Variants in CDK6 observed in about 807,000 individuals in gnomAD.
CDK6 encodes cyclin dependent kinase 6.
In CDK6, 6 loss-of-function variants were observed where a neutral mutation model predicts 37.1. The ratio of observed to expected loss-of-function variants is 0.16; its 90% CI spans 0.09 to 0.32. The LOEUF (loss-of-function observed/expected upper bound fraction) is 0.32. CDK6 is among the 10% of genes least tolerant of loss of function. CDK6 has a pLI of 1.00. For missense variants in CDK6, 224 were observed against 418.9 expected (o/e 0.53, Z 4.06); for synonymous variants, 160 against 161.3 (o/e 0.99, Z 0.06).
chr7:92,692,534 A>T (rs1326094005), intron 4 of CDK6, among the ~76,000 whole-genome samples: 1 of 152,180 alleles, frequency 6.6e-6, no homozygotes, highest in Non-Finnish European at 1.5e-5. Flanking sequence ...CCTGTAATCC[A>T]GCACTTTGGG....
At chr7:92,632,086 A>G (rs1796065533) in intron 5 of CDK6, among the ~76,000 whole-genome samples, 1 of 152,016 alleles carries the variant, frequency 6.6e-6, no homozygotes, top group Non-Finnish European at 1.5e-5. Flanking sequence ...ATTTTTTGCC[A>G]AAGGGAGTCT....
chr7:92,718,964 T>C (rs1405437635), intron 4 of CDK6, among the ~76,000 whole-genome samples: 1 of 152,208 alleles, frequency 6.6e-6, no homozygotes, highest in Admixed American at 6.5e-5. Flanking sequence ...TCAGTAATTA[T>C]TTGTTGACTG....
intron 3 of CDK6, among the ~76,000 whole-genome samples, chr7:92,761,926 T>C (rs1051979313): frequency 1.3e-5 from 2 of 152,238 alleles, no homozygotes; most frequent in African/African-American, 4.8e-5. Flanking sequence ...ATTAGGATTT[T>C]GCAGCAAAGA....
chr7:92,808,000 T>A (rs1357883518), intron 2 of CDK6, among the ~76,000 whole-genome samples: 2 of 152,232 alleles, frequency 1.3e-5, no homozygotes, highest in African/African-American at 2.4e-5. Context: ...TCAGAAGAGA[T>A]GGCAACTTTC....
At chr7:92,651,748 T>TA (rs1336947145) in intron 5 of CDK6, among the ~76,000 whole-genome samples, 1 of 149,664 alleles carries the variant, frequency 6.7e-6, no homozygotes, top group Non-Finnish European at 1.5e-5. Context: ...GAAATAATAC[T>TA]AAAAAACTTT....
rs898083700 is a variant in CDK6 at position 92,833,986 on chromosome 7, C to G, written c.-367-296G>C. On this transcript the variant is annotated intron_variant, in intron 1 of 7. Coordinates refer to ENST00000424848, the MANE Select transcript of CDK6 (RefSeq NM_001145306.2). The surrounding 1 kb of genome is among the most constrained non-coding windows in gnomAD (Gnocchi z 6.1). ...GAACGGGAGGGGGCGTGCCGAGCAG[C>G]CCAGAGTGTGCCGGGAGCGCGGGGG... 5 of 398,418 alleles carry G rather than the reference C, an allele frequency of 1.3e-5. No homozygotes were observed. The highest frequency in any genetic ancestry group is 1.8e-5 in the Non-Finnish European group (4 of 226,126). 24.7% of individuals were successfully genotyped at this position (398,418 alleles called of 1,614,324 possible).
chr7:92,739,936 T>A (rs1467116611), intron 3 of CDK6, among the ~76,000 whole-genome samples: 2 of 152,088 alleles, frequency 1.3e-5, no homozygotes, highest in Non-Finnish European at 2.9e-5. Context: ...TTATTTTTAT[T>A]TTTGTAGAGA....
intron 4 of CDK6, among the ~76,000 whole-genome samples, chr7:92,711,244 T>C (rs955471712): frequency 2.6e-5 from 4 of 152,252 alleles, no homozygotes; most frequent in East Asian, 3.9e-4. Context: ...AAAAATATTA[T>C]GTAAATTTAC....
At chr7:92,668,484 A>C (rs1470155305) in intron 5 of CDK6, among the ~76,000 whole-genome samples, 1 of 152,228 alleles carries the variant, frequency 6.6e-6, no homozygotes, top group Non-Finnish European at 1.5e-5. Flanking sequence ...AAAAACAATG[A>C]AGGTGATAAA....
At chr7:92,711,708 C>T (rs1424426809) in intron 4 of CDK6, among the ~76,000 whole-genome samples, 1 of 151,474 alleles carries the variant, frequency 6.6e-6, no homozygotes, top group Non-Finnish European at 1.5e-5. Flanking sequence ...GCTGGGACTA[C>T]AGGCACATAC....
intron 4 of CDK6, among the ~76,000 whole-genome samples, chr7:92,713,554 T>C (rs10488521): frequency 0.18 from 27,599 of 151,502 alleles, 3,990 homozygotes; most frequent in African/African-American, 0.4. Flanking sequence ...ATGATTAGAA[T>C]GAGTATCACT....
intron 2 of CDK6, among the ~76,000 whole-genome samples, chr7:92,830,969 GA>G (rs2116021378): frequency 6.6e-6 from 1 of 152,320 alleles, no homozygotes; most frequent in East Asian, 1.9e-4. Context: ...TCAATCTGCT[GA>G]AACGCAAACA....
chr7:92,831,977 TC>T (rs1242571816), intron 2 of CDK6, among the ~76,000 whole-genome samples: 4 of 152,226 alleles, frequency 2.6e-5, no homozygotes, highest in Non-Finnish European at 4.4e-5. Flanking sequence ...CTTATTTACA[TC>T]ATTTCATCCT....
chr7:92,831,903 G>C (rs1481011832), intron 2 of CDK6, among the ~76,000 whole-genome samples: 1 of 152,108 alleles, frequency 6.6e-6, no homozygotes, highest in Non-Finnish European at 1.5e-5. Context: ...GGTCAGTCTT[G>C]GGTCTCTCCA....
At chr7:92,756,993 C>T (rs1799333983) in intron 3 of CDK6, among the ~76,000 whole-genome samples, 1 of 152,034 alleles carries the variant, frequency 6.6e-6, no homozygotes, top group African/African-American at 2.4e-5. Context: ...TGGAAAAAAA[C>T]ACAAAGGAAG....
chr7:92,729,629 G>A (rs1270693401), intron 3 of CDK6, among the ~76,000 whole-genome samples: 1 of 152,110 alleles, frequency 6.6e-6, no homozygotes, highest in African/African-American at 2.4e-5. Flanking sequence ...TCTTGTAATT[G>A]TTTCTCTTAG....
chr7:92,712,044 C>T (rs1365497350), intron 4 of CDK6, among the ~76,000 whole-genome samples: 2 of 151,654 alleles, frequency 1.3e-5, no homozygotes, highest in African/African-American at 2.4e-5. Context: ...AAAAATTAGC[C>T]TCCTACTCAG....
chr7:92,692,661 C>T lies in CDK6; in HGVS notation c.538-21126G>A, dbSNP rs531049212. ...TTAGCTGGGTGTGGTGGTGCGTGCC[C>T]GTGGTCCCGGCTACTCTGGAGGCTG... On this transcript the variant is annotated intron_variant, in intron 4 of 7. Coordinates refer to ENST00000424848, the MANE Select transcript of CDK6 (RefSeq NM_001145306.2). 1.4e-3 allele frequency among the ~76,000 whole-genome samples: 206 copies of T among 151,934 alleles called. 1 individual carries two copies. The highest frequency in any genetic ancestry group is 4.8e-3 in the African/African-American group (197 of 41,444).
intron 5 of CDK6, among the ~76,000 whole-genome samples, chr7:92,661,696 G>A (rs1796838558): frequency 6.6e-6 from 1 of 152,170 alleles, no homozygotes; most frequent in African/African-American, 2.4e-5. Context: ...AGAGGGGTGA[G>A]TCTTGTTGTC....
Sources: gnomAD v4.1 joint callset for allele counts (sites outside exome capture counted in the v4.1 genomes callset) on GRCh38, gnomAD v4.1.1 for gene constraint, Gnocchi (gnomAD v3.1) non-coding constraint, MANE v1.5 for transcripts, NCBI Gene and HGNC (gene_info 2026-07-23, HGNC 2026-07-21) for gene names.